The following SDK2 variants were observed in gnomAD, a reference collection of about 807,000 sequenced individuals.
The protein encoded by SDK2 is protein sidekick-2.
A neutral mutation model predicts 253.9 loss-of-function variants in SDK2; 105 were observed. That is an observed-to-expected ratio of 0.41 (90% confidence interval 0.35 to 0.49). The LOEUF (loss-of-function observed/expected upper bound fraction) is 0.49, where lower values mean the gene tolerates loss of function less well. SDK2 is among the 20% of genes least tolerant of loss of function. The pLI, the probability that SDK2 is intolerant of heterozygous loss-of-function variation, is 0.06. For missense variants in SDK2, 2,608 were observed against 3,003.0 expected (o/e 0.87, Z 3.07); for synonymous variants, 1,249 against 1,234.9 (o/e 1.01, Z -0.24).
chr17:73,348,476 T>C (rs760651531), intron 44 of SDK2, 123 bp downstream of exon 44: 21 of 1,243,734 alleles, frequency 1.7e-5, no homozygotes, highest in Middle Eastern at 2.0e-4. Context: ...GGGTGGTTTC[T>C]TGGGCCCCTT....
intron 1 of SDK2, among the ~76,000 whole-genome samples, chr17:73,628,633 G>A (rs1720665368): frequency 6.6e-6 from 1 of 152,232 alleles, no homozygotes; most frequent in South Asian, 2.1e-4. Flanking sequence ...CGGGCCCAGA[G>A]AGCCACACCC....
intron 1 of SDK2, among the ~76,000 whole-genome samples, chr17:73,527,283 C>G (rs2064133454): frequency 6.6e-6 from 1 of 152,126 alleles, no homozygotes; most frequent in African/African-American, 2.4e-5. Context: ...TAGCATCTAC[C>G]AAGAAATGCA....
At chr17:73,636,272 G>A (rs942571359) in intron 1 of SDK2, among the ~76,000 whole-genome samples, 1 of 152,122 alleles carries the variant, frequency 6.6e-6, no homozygotes, top group African/African-American at 2.4e-5. Flanking sequence ...GTGATAGGGA[G>A]GACTGAGGCA....
intron 1 of SDK2, among the ~76,000 whole-genome samples, chr17:73,583,397 G>A (rs906558026): frequency 6.6e-6 from 1 of 152,178 alleles, no homozygotes; most frequent in African/African-American, 2.4e-5. Flanking sequence ...GCTGCTGGGG[G>A]TCTGCTACGA....
In SDK2 at chr17:73,588,400, A is replaced by C. The variant is rs1037360006; in HGVS notation, c.64+55625T>G. On this transcript the variant is annotated intron_variant, in intron 1 of 44. Transcript: ENST00000392650. The stretch of plus-strand genomic sequence containing the variant: ...GAAACTCCATCTCAAAAAAAAAAAA[A>C]AAAAAAAAAAAAGAAAGAAATGCAA... 8.8e-4 allele frequency among the ~76,000 whole-genome samples: 133 copies of C among 151,678 alleles called. 3 individuals are homozygous for C. The East Asian group carries it at 0.016, about 18-fold the overall frequency.
intron 1 of SDK2, among the ~76,000 whole-genome samples, chr17:73,590,234 G>C (rs2145897587): frequency 6.6e-6 from 1 of 152,342 alleles, no homozygotes; most frequent in African/African-American, 2.4e-5. Context: ...CTGGACCAGA[G>C]GGGTCAGTTC....
At chr17:73,632,806 G>T (rs1438240235) in intron 1 of SDK2, among the ~76,000 whole-genome samples, 1 of 152,138 alleles carries the variant, frequency 6.6e-6, no homozygotes, top group Non-Finnish European at 1.5e-5. Flanking sequence ...GAATCTTACA[G>T]ATGCTGTGAC....
At chr17:73,514,998 C>T (rs2064013180) in intron 1 of SDK2, among the ~76,000 whole-genome samples, 3 of 152,206 alleles carry the variant, frequency 2.0e-5, no homozygotes, top group Admixed American at 1.3e-4. Flanking sequence ...CCTCACTTCT[C>T]TCCAAACTTC....
At chr17:73,578,680 G>A (rs561819278) in intron 1 of SDK2, among the ~76,000 whole-genome samples, 1 of 152,194 alleles carries the variant, frequency 6.6e-6, no homozygotes, top group Non-Finnish European at 1.5e-5. Context: ...GGACACTCAG[G>A]TCAAAGGGTC....
chr17:73,488,102 G>A (rs1199086514), intron 2 of SDK2, among the ~76,000 whole-genome samples: 1 of 151,954 alleles, frequency 6.6e-6, no homozygotes, highest in African/African-American at 2.4e-5. Flanking sequence ...TGCAAGCTCT[G>A]CCTCCTGGGT....
intron 38 of SDK2, among the ~76,000 whole-genome samples, chr17:73,364,273 G>A (rs1439980157): frequency 6.6e-6 from 1 of 152,154 alleles, no homozygotes; most frequent in East Asian, 1.9e-4. Context: ...CAGGGGCTGC[G>A]CAGCCCAGCC....
At chr17:73,597,368 C>T (rs1157126362) in intron 1 of SDK2, among the ~76,000 whole-genome samples, 1 of 152,142 alleles carries the variant, frequency 6.6e-6, no homozygotes, top group Non-Finnish European at 1.5e-5. Flanking sequence ...ACCCTCTGAC[C>T]ATAGGCAAAT....
intron 23 of SDK2, 50 bp from the exon 24 acceptor site, chr17:73,398,235 C>A: frequency 6.3e-7 from 1 of 1,599,906 alleles, no homozygotes; most frequent in Non-Finnish European, 8.5e-7. Context: ...TCACCCAACT[C>A]TCAACCCTGT....
At chr17:73,502,693 A>G (rs2063899811) in intron 2 of SDK2, among the ~76,000 whole-genome samples, 1 of 152,264 alleles carries the variant, frequency 6.6e-6, no homozygotes, top group Admixed American at 6.5e-5. Context: ...AAGGAATACA[A>G]GAAAATCTCC....
chr17:73,381,155 C>G (rs1036694613), intron 33 of SDK2, among the ~76,000 whole-genome samples: 12 of 152,150 alleles, frequency 7.9e-5, no homozygotes, highest in Admixed American at 2.6e-4. Context: ...GTGGAGGCTC[C>G]CTGGACAGTC....
rs1174762590 is a variant in SDK2 at position 73,338,383 on chromosome 17, C to T, written c.*204G>A. 1 of 690,980 alleles carries T rather than the reference C, an allele frequency of 1.4e-6. No individual in the cohort carries two copies. Among genetic ancestry groups the T allele is most frequent in the Non-Finnish European group, 2.6e-6 (1 of 377,762 alleles). The allele number at this position is 690,980 out of a possible 1,614,324, so 42.8% of individuals were successfully genotyped here. A position where few individuals can be genotyped will look rare whatever the true frequency, so the allele number is the denominator to read the frequency against. On this transcript the variant is annotated 3_prime_UTR_variant, in exon 45 of 45. Transcript: ENST00000392650. The surrounding 1 kb of genome is among the most constrained non-coding windows in gnomAD (Gnocchi z 5.0). ...ACCCCACCATCTCAAAGCTGAAGAG[C>T]TGCTGGCCACACACATCCTCTCACG...
intron 4 of SDK2, among the ~76,000 whole-genome samples, chr17:73,451,234 C>T (rs547163518): frequency 4.6e-5 from 7 of 152,296 alleles, no homozygotes; most frequent in Admixed American, 1.3e-4. Context: ...GGGCTGGGCA[C>T]GGTGGCTCAT....
At chr17:73,488,238 G>A (rs945546998) in intron 2 of SDK2, among the ~76,000 whole-genome samples, 6 of 152,094 alleles carry the variant, frequency 3.9e-5, no homozygotes, top group South Asian at 2.1e-4. Context: ...GGATGGTCTC[G>A]ATCTCCTAAC....
At chr17:73,356,135 T>A (rs1415561411) in intron 40 of SDK2, among the ~76,000 whole-genome samples, 1 of 152,232 alleles carries the variant, frequency 6.6e-6, no homozygotes, top group African/African-American at 2.4e-5. Flanking sequence ...GCAGAGCTGG[T>A]GTTACTGCCT....
Sources: allele counts gnomAD v4.1 joint callset (sites outside exome capture counted in the v4.1 genomes callset), GRCh38; gene constraint gnomAD v4.1.1; non-coding constraint Gnocchi (gnomAD v3.1); transcripts MANE v1.5; gene names NCBI Gene and HGNC (gene_info 2026-07-23, HGNC 2026-07-21).